The following KHDRBS2 variants were observed in gnomAD, a reference collection of about 807,000 sequenced individuals.
KHDRBS2 encodes KH RNA binding domain containing, signal transduction associated 2.
A neutral mutation model predicts 44.3 loss-of-function variants in KHDRBS2; 26 were observed. The observed-to-expected ratio is 0.59, with a 90% confidence interval of 0.43 to 0.81. The LOEUF is 0.81. Ranked by LOEUF, KHDRBS2 falls within the 40% of genes least tolerant of loss-of-function variation. The pLI, the probability that KHDRBS2 is intolerant of heterozygous loss-of-function variation, is 0.00. For missense variants in KHDRBS2, 476 were observed against 433.1 expected (o/e 1.10, Z -0.88); for synonymous variants, 194 against 151.1 (o/e 1.28, Z -2.08).
At chr6:61,692,097 G>T (rs1413741198) in intron 8 of KHDRBS2, among the ~76,000 whole-genome samples, 2 of 152,098 alleles carry the variant, frequency 1.3e-5, no homozygotes, top group South Asian at 2.1e-4. Flanking sequence ...AGAGAACTTA[G>T]AGAGTATTTC....
intron 1 of KHDRBS2, among the ~76,000 whole-genome samples, chr6:62,274,765 T>C (rs1585562314): frequency 1.3e-5 from 2 of 152,220 alleles, no homozygotes; most frequent in African/African-American, 4.8e-5. Context: ...TCTCTTATCA[T>C]TGTATTATGG....
chr6:61,962,811 C>G (rs1308538507), intron 4 of KHDRBS2, among the ~76,000 whole-genome samples: 1 of 152,178 alleles, frequency 6.6e-6, no homozygotes, highest in South Asian at 2.1e-4. Flanking sequence ...TTATACAAAT[C>G]AGATTTAGAA....
intron 1 of KHDRBS2, among the ~76,000 whole-genome samples, chr6:62,246,751 T>C (rs562177190): frequency 1.7e-4 from 26 of 152,116 alleles, no homozygotes; most frequent in African/African-American, 6.0e-4. Context: ...TTTCCTAATT[T>C]GGTAAGTCAA....
the KHDRBS2 span, among the ~76,000 whole-genome samples, chr6:61,588,795 A>G: frequency 6.6e-6 from 1 of 152,138 alleles, no homozygotes; most frequent in Non-Finnish European, 1.5e-5. Context: ...CTGTCTCAAA[A>G]AAAAAGACTT....
the KHDRBS2 span, among the ~76,000 whole-genome samples, chr6:61,608,332 ATGTGTGTGTG>A: frequency 6.6e-6 from 1 of 150,838 alleles, no homozygotes; most frequent in Non-Finnish European, 1.5e-5. Flanking sequence ...ATATATACAT[ATGTGTGTGTG>A]TGTGTGTGTG....
intron 3 of KHDRBS2, among the ~76,000 whole-genome samples, chr6:62,035,118 A>G (rs1374158646): frequency 6.6e-6 from 1 of 152,026 alleles, no homozygotes; most frequent in Non-Finnish European, 1.5e-5. Context: ...CTACTACATG[A>G]TTCAGCAATC....
intron 2 of KHDRBS2, among the ~76,000 whole-genome samples, chr6:62,084,413 G>A (rs915642015): frequency 1.3e-5 from 2 of 152,128 alleles, no homozygotes; most frequent in Admixed American, 6.6e-5. Context: ...CCATTTCTGA[G>A]TGGAATAAAG....
intron 3 of KHDRBS2, among the ~76,000 whole-genome samples, chr6:62,035,391 T>C (rs932847822): frequency 6.6e-6 from 1 of 151,958 alleles, no homozygotes; most frequent in African/African-American, 2.4e-5. Flanking sequence ...TAAGCCAGTA[T>C]AGAAAGACAA....
At chr6:61,673,291 G>A in the KHDRBS2 span, among the ~76,000 whole-genome samples, 2 of 151,622 alleles carry the variant, frequency 1.3e-5, no homozygotes, top group African/African-American at 4.8e-5. Flanking sequence ...GATGCCTCCC[G>A]CTATGACAAA....
At chr6:62,165,833 C>G (rs1818570157) in intron 2 of KHDRBS2, among the ~76,000 whole-genome samples, 1 of 151,886 alleles carries the variant, frequency 6.6e-6, no homozygotes. Context: ...TATACCTAGC[C>G]CATTTTAACT....
rs200412550 is a variant in KHDRBS2, at chr6:62,075,895, A to C, written c.220-27901T>G. The stretch of plus-strand genomic sequence containing the variant: ...GGCCTGGCAATCCCTATCTCTCCCT[A>C]TCTCTCTCTCTCTCTCTCTTCTATT... On this transcript the variant is annotated intron_variant, in intron 2 of 8. Coordinates refer to ENST00000281156, the MANE Select transcript of KHDRBS2 (RefSeq NM_152688.4). Among the ~76,000 whole-genome samples the C allele has an allele frequency of 2.5e-4, 37 of 147,976 alleles. 1 individual carries two copies. The highest frequency in any genetic ancestry group is 7.4e-4 in the African/African-American group (30 of 40,342).
intron 4 of KHDRBS2, 99 bp from the exon 5 acceptor site, chr6:61,901,470 A>G: frequency 3.2e-6 from 3 of 948,930 alleles, no homozygotes; most frequent in Non-Finnish European, 4.7e-6. Flanking sequence ...AATAGGAAAT[A>G]ATTTTTTTCA....
intron 7 of KHDRBS2, among the ~76,000 whole-genome samples, chr6:61,705,895 T>A (rs1010286734): frequency 6.6e-6 from 1 of 151,846 alleles, no homozygotes; most frequent in African/African-American, 2.4e-5. Flanking sequence ...TAACATGGTA[T>A]TGTTGAAAAT....
At chr6:62,216,912 T>C (rs1830098338) in intron 1 of KHDRBS2, among the ~76,000 whole-genome samples, 1 of 150,564 alleles carries the variant, frequency 6.6e-6, no homozygotes, top group African/African-American at 2.4e-5. Context: ...AATCAGGGAC[T>C]CAACACATTT....
At chr6:61,692,168 T>A (rs1384325514) in intron 8 of KHDRBS2, among the ~76,000 whole-genome samples, 1 of 152,098 alleles carries the variant, frequency 6.6e-6, no homozygotes, top group Non-Finnish European at 1.5e-5. Context: ...GCAGCCTTAG[T>A]GAATTATAAG....
At chr6:61,976,477 A>G (rs1325182358) in intron 4 of KHDRBS2, among the ~76,000 whole-genome samples, 1 of 152,160 alleles carries the variant, frequency 6.6e-6, no homozygotes, top group African/African-American at 2.4e-5. Context: ...GTATATATAC[A>G]TATGTGTGTA....
intron 4 of KHDRBS2, among the ~76,000 whole-genome samples, chr6:61,918,132 G>C (rs1433037242): frequency 6.6e-6 from 1 of 151,766 alleles, no homozygotes; most frequent in East Asian, 1.9e-4. Flanking sequence ...TCACAAGCAG[G>C]GATTATGTGG....
At chr6:61,669,496 G>T in the KHDRBS2 span, among the ~76,000 whole-genome samples, 1 of 150,602 alleles carries the variant, frequency 6.6e-6, no homozygotes, top group Non-Finnish European at 1.5e-5. Context: ...ATATTTTAAA[G>T]AGAACATTAT....
rs560997248 is a variant in KHDRBS2 at position 61,944,038 on chromosome 6, G to A, written c.483+34028C>T. 1.6e-3 allele frequency among the ~76,000 whole-genome samples: 236 copies of A among 152,230 alleles called. 8 individuals carry two copies. The South Asian group carries it at 0.045, about 29-fold the overall frequency. On this transcript the variant is annotated intron_variant, in intron 4 of 8. Transcript: ENST00000281156. ...CCACGAATGCTGGTGAGGTTGTGGAGAAGAGGGAACACTTATACACTACTG... is the reference window on the plus strand; with the variant it reads ...CCACGAATGCTGGTGAGGTTGTGGAAAAGAGGGAACACTTATACACTACTG...
Sources: gnomAD v4.1 joint callset for allele counts (sites outside exome capture counted in the v4.1 genomes callset) on GRCh38, gnomAD v4.1.1 for gene constraint, MANE v1.5 for transcripts, NCBI Gene and HGNC (gene_info 2026-07-23, HGNC 2026-07-21) for gene names.